Variants in GALK2 observed in about 807,000 individuals in gnomAD.
GALK2 encodes N-acetylgalactosamine kinase.
A neutral mutation model predicts 52.4 loss-of-function variants in GALK2; 36 were observed. The observed-to-expected ratio is 0.69, with a 90% CI of 0.53 to 0.91. The LOEUF is 0.91. Among genes scored for constraint, GALK2 ranks in the 40% least tolerant of loss-of-function variants. The pLI is 0.00. For missense variants in GALK2, 579 were observed against 559.1 expected, an observed-to-expected ratio of 1.04 and a Z score of -0.36; for synonymous variants, 176 against 199.1, an observed-to-expected ratio of 0.88 and a Z score of 0.98.
At chr15:49,365,846 A>G (rs184203325) in intron 3 of GALK2, 14,438 of 891,994 alleles carry the variant, frequency 0.016, 177 homozygotes, top group Non-Finnish European at 0.022. Context: ...TTGCCGCGAC[A>G]CTCAATTGTG....
At chr15:49,207,064 C>T (rs1024202726) in intron 2 of GALK2, among the ~76,000 whole-genome samples, 4 of 152,034 alleles carry the variant, frequency 2.6e-5, no homozygotes, top group African/African-American at 9.7e-5. Flanking sequence ...TGGATTTTGT[C>T]GAATGCTTTT....
At position 49,218,320 on chromosome 15, in the gene GALK2, T is replaced by C. The variant is rs555738506; in HGVS notation, c.266+1007T>C. On this transcript the variant is annotated intron_variant, in intron 3 of 9. Transcript: ENST00000560031. ...TGAAAAGCTCACATTATGTCAAGCA[T>C]ATTTTCGTGTCATTGTGTATGAACA... Among the ~76,000 whole-genome samples, 7 of 152,350 alleles carry C rather than the reference T, an allele frequency of 4.6e-5. No individual in the cohort carries two copies. The East Asian group carries it at 5.8e-4, about 13-fold the overall frequency.
At chr15:49,170,122 A>AC (rs2084963648), upstream of GALK2, 1 of 1,256,074 alleles carries the variant, frequency 8.0e-7, no homozygotes, top group Non-Finnish European at 1.1e-6. Context: ...CTTGGAGGGA[A>AC]CCCTGGCTGA....
chr15:49,169,076 T>A (rs2084921197), upstream of GALK2: 1 of 153,190 alleles, frequency 6.5e-6, no homozygotes, highest in South Asian at 2.1e-4. Context: ...CATTCACACT[T>A]TGTCTCCATG....
intron 5 of GALK2, among the ~76,000 whole-genome samples, chr15:49,273,149 C>A (rs1048161470): frequency 6.6e-6 from 1 of 152,132 alleles, no homozygotes; most frequent in Non-Finnish European, 1.5e-5. Flanking sequence ...ATACGAATAT[C>A]CAGCCCTAAG....
At chr15:49,215,611 C>A (rs928588522) in intron 2 of GALK2, among the ~76,000 whole-genome samples, 4 of 152,158 alleles carry the variant, frequency 2.6e-5, no homozygotes, top group Non-Finnish European at 4.4e-5. Flanking sequence ...TGTTAAATTT[C>A]TCTGGTAGAA....
At position 49,328,625 on chromosome 15, in the gene GALK2, T is replaced by C. The variant is rs1327591737; in HGVS notation, c.*466T>C. 2 of 1,586,326 alleles carry C rather than the reference T, an allele frequency of 1.3e-6. No individual in the cohort carries two copies. The highest frequency in any genetic ancestry group is 1.7e-6 in the Non-Finnish European group (2 of 1,162,730). On this transcript the variant is annotated 3_prime_UTR_variant, in exon 10 of 10. Transcript: ENST00000560031. ...CTGTTGATGATGGTGATGATGATGA[T>C]GATGACGATAGTGATGCCACACATT...
At chr15:49,243,896 G>A (rs916352489) in intron 5 of GALK2, among the ~76,000 whole-genome samples, 1 of 151,934 alleles carries the variant, frequency 6.6e-6, no homozygotes, top group Non-Finnish European at 1.5e-5. Context: ...GCTAAGGCAG[G>A]AGGATCGCTT....
chr15:49,339,724 A>T (rs1286078279), intron 3 of GALK2, among the ~76,000 whole-genome samples: 1 of 152,166 alleles, frequency 6.6e-6, no homozygotes. Flanking sequence ...CTGTGCCTAC[A>T]ACCGCCCCTT....
At chr15:49,287,377 G>A (rs2033481283) in intron 7 of GALK2, among the ~76,000 whole-genome samples, 1 of 152,160 alleles carries the variant, frequency 6.6e-6, no homozygotes, top group African/African-American at 2.4e-5. Flanking sequence ...TCATGTTGCT[G>A]CAAATCACTA....
intron 3 of GALK2, among the ~76,000 whole-genome samples, chr15:49,217,867 A>G (rs186355439): frequency 6.6e-6 from 1 of 152,344 alleles, no homozygotes; most frequent in Non-Finnish European, 1.5e-5. Context: ...TTTAAAAAAA[A>G]TCTTAGTTTG....
intron 5 of GALK2, among the ~76,000 whole-genome samples, chr15:49,269,984 C>G (rs2030179149): frequency 6.6e-6 from 1 of 152,200 alleles, no homozygotes; most frequent in Non-Finnish European, 1.5e-5. Flanking sequence ...TTCAACTATT[C>G]CTTATGGAAT....
intron 3 of GALK2, among the ~76,000 whole-genome samples, chr15:49,228,885 G>A (rs921767670): frequency 1.3e-5 from 2 of 150,522 alleles, no homozygotes; most frequent in African/African-American, 2.5e-5. Flanking sequence ...AGTAGAGATG[G>A]TGTTTCACCA....
chr15:49,221,615 C>T (rs897504013), intron 3 of GALK2, among the ~76,000 whole-genome samples: 4 of 151,288 alleles, frequency 2.6e-5, no homozygotes, highest in East Asian at 3.9e-4. Flanking sequence ...TGCAGTGAGC[C>T]GAGATCGTGA....
At chr15:49,217,039 G>T (rs2089435828) in intron 2 of GALK2, 151 bp from the exon 3 acceptor site, 5 of 580,348 alleles carry the variant, frequency 8.6e-6, no homozygotes, top group Non-Finnish European at 1.5e-5. Flanking sequence ...TCATGGAAGG[G>T]TTCTATTTGG....
chr15:49,336,841 T>C (rs888617520), downstream of GALK2, among the ~76,000 whole-genome samples: 1 of 152,200 alleles, frequency 6.6e-6, no homozygotes, highest in Non-Finnish European at 1.5e-5. Context: ...AGATAGTTTT[T>C]CAACACTTGC....
chr15:49,237,515 C>T (rs919198902), intron 4 of GALK2, among the ~76,000 whole-genome samples: 6 of 151,940 alleles, frequency 3.9e-5, no homozygotes, highest in East Asian at 1.9e-4. Context: ...CTTGCTCTGT[C>T]GCCCAGGCTG....
chr15:49,214,306 C>G (rs2089190011), intron 2 of GALK2, among the ~76,000 whole-genome samples: 1 of 150,232 alleles, frequency 6.7e-6, no homozygotes, highest in African/African-American at 2.4e-5. Context: ...AAAACTTTAC[C>G]TTAACCCCAT....
Position 49,205,967 on chromosome 15 carries a change from C to T in GALK2, c.142+4717C>T, listed in dbSNP as rs536835572. Among the ~76,000 whole-genome samples the T allele has an allele frequency of 7.2e-5, 11 of 152,160 alleles. No individual in the cohort carries two copies. In the East Asian group the frequency reaches 7.7e-4, roughly 11 times the overall value. ...CCACATGTGGCTAGCCAGTTATCCC[C>T]GCACAATTTGTTGAAAAGGGTGTCC... On this transcript the variant is annotated intron_variant, in intron 2 of 9. Transcript: ENST00000560031.
Sources: gnomAD v4.1 joint callset for allele counts (sites outside exome capture counted in the v4.1 genomes callset) on GRCh38, gnomAD v4.1.1 for gene constraint, MANE v1.5 for transcripts, NCBI Gene and HGNC (gene_info 2026-07-23, HGNC 2026-07-21) for gene names.